The following IFNG-AS1 variants were observed in gnomAD, a reference collection of about 807,000 sequenced individuals.
The protein encoded by IFNG-AS1 is IFNG regulatory antisense RNA 1.
chr12:68,016,097 T>C (rs1880150088), intron 3 of IFNG-AS1, among the ~76,000 whole-genome samples: 1 of 152,176 alleles, frequency 6.6e-6, no homozygotes, highest in Non-Finnish European at 1.5e-5. Context: ...AGATTAACTC[T>C]ATAAATTATG....
At chr12:67,994,490 C>G (rs1006376235) in intron 1 of IFNG-AS1, among the ~76,000 whole-genome samples, 2 of 152,112 alleles carry the variant, frequency 1.3e-5, no homozygotes, top group African/African-American at 4.8e-5. Context: ...TAAACAAATA[C>G]GGAGATTTTT....
rs138102873 is a variant in IFNG-AS1, at chr12:68,021,251, T to G, written n.278+1353T>G. On this transcript the variant is annotated intron_variant and non_coding_transcript_variant, in intron 4 of 5. Transcript: ENST00000536914. ...GAATATTTGTCTATATTTCTGTAAT[T>G]TTTCATCATGCCTTATATGGTATAT... The G allele has an allele frequency of 4.5e-3, 686 of 152,326 alleles. 4 individuals carry two copies. Among genetic ancestry groups the G allele is most frequent in the African/African-American group, 0.016 (665 of 41,568 alleles). The allele number at this position is 152,326 out of a possible 1,614,324, so 9.4% of individuals were successfully genotyped here. A position where few individuals can be genotyped will look rare whatever the true frequency, so the allele number is the denominator to read the frequency against.
intron 3 of IFNG-AS1, among the ~76,000 whole-genome samples, chr12:68,016,187 T>A (rs1004331483): frequency 1.3e-5 from 2 of 152,148 alleles, no homozygotes; most frequent in African/African-American, 4.8e-5. Context: ...CTCCAAGGCT[T>A]AGATCAGAAG....
At chr12:68,013,565 A>G (rs1880080407) in intron 3 of IFNG-AS1, 1 of 152,208 alleles carries the variant, frequency 6.6e-6, no homozygotes, top group Non-Finnish European at 1.5e-5. Context: ...GGGATGGTTA[A>G]TTGTATGTGT....
intron 2 of IFNG-AS1, among the ~76,000 whole-genome samples, chr12:67,997,154 A>G (rs1243554898): frequency 6.6e-6 from 1 of 152,138 alleles, no homozygotes; most frequent in Non-Finnish European, 1.5e-5. Flanking sequence ...TGAGGAAAGC[A>G]TTTCTGAAAG....
intron 3 of IFNG-AS1, chr12:68,013,747 CA>C: frequency 6.6e-6 from 1 of 152,288 alleles, no homozygotes; most frequent in Non-Finnish European, 1.5e-5. Flanking sequence ...TGATCAGAAC[CA>C]AAGGTTGACT....
chr12:68,015,146 ACCT>A (rs1247871184), intron 3 of IFNG-AS1, among the ~76,000 whole-genome samples: 1 of 152,122 alleles, frequency 6.6e-6, no homozygotes, highest in East Asian at 1.9e-4. Context: ...ACACCGTAAG[ACCT>A]CATACTGAGG....
At chr12:68,005,618 C>T (rs1446055257) in intron 2 of IFNG-AS1, among the ~76,000 whole-genome samples, 2 of 152,152 alleles carry the variant, frequency 1.3e-5, no homozygotes, top group Admixed American at 1.3e-4. Context: ...TGTATTTATT[C>T]AATAACTTGT....
chr12:68,018,766 T>C (rs1029893537), intron 3 of IFNG-AS1, among the ~76,000 whole-genome samples: 13 of 133,488 alleles, frequency 9.7e-5, no homozygotes, highest in African/African-American at 2.8e-4. Flanking sequence ...TATTTTGTTT[T>C]GTTTTGTTTT....
At chr12:67,990,983 T>C (rs920510221) in intron 1 of IFNG-AS1, among the ~76,000 whole-genome samples, 1 of 152,210 alleles carries the variant, frequency 6.6e-6, no homozygotes, top group East Asian at 1.9e-4. Flanking sequence ...CATGTCACCA[T>C]GTGCATATGG....
intron 1 of IFNG-AS1, among the ~76,000 whole-genome samples, chr12:67,991,748 T>G (rs1879518691): frequency 6.6e-6 from 1 of 152,214 alleles, no homozygotes; most frequent in Non-Finnish European, 1.5e-5. Context: ...TCCTCTCTTT[T>G]AAATAGCTGG....
intron 3 of IFNG-AS1, among the ~76,000 whole-genome samples, chr12:68,007,626 G>A (rs1209913463): frequency 1.3e-5 from 2 of 152,178 alleles, no homozygotes; most frequent in Non-Finnish European, 2.9e-5. Context: ...CAGTTTCAAA[G>A]TAATCACTAT....
intron 3 of IFNG-AS1, among the ~76,000 whole-genome samples, chr12:68,007,780 T>G (rs1471678857): frequency 1.3e-5 from 2 of 152,036 alleles, no homozygotes; most frequent in African/African-American, 2.4e-5. Flanking sequence ...GACAGATAGA[T>G]AGAAAGACAG....
At chr12:68,000,300 T>C (rs1390865015) in intron 2 of IFNG-AS1, among the ~76,000 whole-genome samples, 1 of 152,208 alleles carries the variant, frequency 6.6e-6, no homozygotes, top group Non-Finnish European at 1.5e-5. Context: ...CATTTCTACC[T>C]ATGATTACAA....
At chr12:68,002,507 G>T (rs760004691) in intron 2 of IFNG-AS1, among the ~76,000 whole-genome samples, 6 of 152,014 alleles carry the variant, frequency 3.9e-5, no homozygotes, top group Non-Finnish European at 8.8e-5. Flanking sequence ...CTTTGATAGG[G>T]TGCATACATG....
intron 1 of IFNG-AS1, among the ~76,000 whole-genome samples, chr12:67,991,655 A>C (rs1432493089): frequency 6.6e-6 from 1 of 152,210 alleles, no homozygotes; most frequent in African/African-American, 2.4e-5. Flanking sequence ...TTAAACCCAG[A>C]ACTTTTGCCA....
chr12:68,017,138 A>T (rs1186867090), intron 3 of IFNG-AS1, among the ~76,000 whole-genome samples: 1 of 152,218 alleles, frequency 6.6e-6, no homozygotes, highest in Non-Finnish European at 1.5e-5. Context: ...ACACAGAAGG[A>T]ACAGCAGCAG....
rs573670914 is a variant in IFNG-AS1, at chr12:68,004,234, C to T, written n.185-1856C>T. 3.3e-4 allele frequency among the ~76,000 whole-genome samples: 50 copies of T among 152,304 alleles called. No individual in the cohort carries two copies. In the South Asian group the frequency reaches 0.01, roughly 32 times the overall value. On this transcript the variant is annotated intron_variant and non_coding_transcript_variant, in intron 2 of 5. Coordinates refer to ENST00000536914, the Ensembl canonical transcript of IFNG-AS1. ...TCACTGGGTACCAATGCATGGACAG[C>T]ACTCTTTTATACTTGTCAATATTCA... is the stretch of plus-strand genomic sequence containing the variant.
chr12:68,013,595 T>C (rs1880080953), intron 3 of IFNG-AS1: 2 of 152,274 alleles, frequency 1.3e-5, no homozygotes, highest in African/African-American at 4.8e-5. Context: ...TGGACCATGA[T>C]GACAGATATT....
Sources: gnomAD v4.1 joint callset for allele counts (sites outside exome capture counted in the v4.1 genomes callset) on GRCh38, gnomAD v4.1.1 for gene constraint, MANE v1.5 for transcripts, NCBI Gene and HGNC (gene_info 2026-07-23, HGNC 2026-07-21) for gene names.